The following CFAP69 variants were observed in gnomAD, a reference collection of about 807,000 sequenced individuals.
CFAP69 encodes cilia and flagella associated protein 69.
A neutral mutation model predicts 123.0 loss-of-function variants in CFAP69; 92 were observed. That is an observed-to-expected ratio of 0.75 (90% CI 0.63 to 0.89). CFAP69 has a LOEUF of 0.89. Ranked by LOEUF, CFAP69 falls within the 40% of genes least tolerant of loss-of-function variation. The pLI is 0.00. For missense variants in CFAP69, 1,067 were observed against 1,096.9 expected, an observed-to-expected ratio of 0.97 and a Z score of 0.39; for synonymous variants, 380 against 364.3, an observed-to-expected ratio of 1.04 and a Z score of -0.49.
At chr7:90,309,985 A>G in intron 22 of CFAP69, 83 bp from the exon 23 acceptor site, 1 of 1,152,448 alleles carries the variant, frequency 8.7e-7, no homozygotes, top group Non-Finnish European at 1.2e-6. Flanking sequence ...TCTTTTCAAA[A>G]GTAAGCTGAA....
At chr7:90,299,064 A>G (rs1792396729) in intron 16 of CFAP69, among the ~76,000 whole-genome samples, 1 of 152,190 alleles carries the variant, frequency 6.6e-6, no homozygotes, top group African/African-American at 2.4e-5. Context: ...ATAACTCATA[A>G]TAACCCTTTG....
chr7:90,319,097 G>T, the CFAP69 span: 4 of 305,220 alleles, frequency 1.3e-5, no homozygotes, highest in East Asian at 1.1e-4. Flanking sequence ...AACTATTCAT[G>T]GGCAAACAAG....
At chr7:90,271,716 C>T in intron 7 of CFAP69, 41 bp downstream of exon 7, 4 of 1,593,936 alleles carry the variant, frequency 2.5e-6, no homozygotes, top group East Asian at 4.5e-5. Flanking sequence ...TTGTCAACTA[C>T]TTTTGTTTAT....
chr7:90,304,068 A>C lies in CFAP69; in HGVS notation c.2150A>C (p.Asn717Thr), dbSNP rs1562924511. 6.4e-7 allele frequency: 1 copy of C among 1,550,978 alleles called. No homozygotes were observed. Among genetic ancestry groups the C allele is most frequent in the Non-Finnish European group, 8.7e-7 (1 of 1,146,586 alleles). ...PSIAVMDVSE[N>T]IRAKIYAILG... ...ATTGCGGTTATGGATGTTTCTGAGA[A>C]TATTAGAGCAAAAATTTATGCTATA... Residue 717 changes from asparagine (N) to threonine (T), a missense_variant, in exon 18 of 23, where the codon AAT becomes ACT. By Grantham distance (65) the Asn-to-Thr change is moderately conservative (BLOSUM62 0). Transcript: ENST00000389297.
chr7:90,296,708 A>G (rs1792035404), intron 15 of CFAP69, among the ~76,000 whole-genome samples: 1 of 152,198 alleles, frequency 6.6e-6, no homozygotes, highest in Non-Finnish European at 1.5e-5. Context: ...TTGTGGAGAT[A>G]TAAGACATCA....
chr7:90,287,512 A>G, intron 14 of CFAP69: 1 of 985,406 alleles, frequency 1.0e-6, no homozygotes, highest in Non-Finnish European at 1.2e-6. Context: ...CTCCATAGTG[A>G]ACTCTGAGTC....
At chr7:90,270,268 G>A (rs1168283650) in intron 6 of CFAP69, 1 of 152,074 alleles carries the variant, frequency 6.6e-6, no homozygotes, top group Non-Finnish European at 1.5e-5. Flanking sequence ...GATACAGTAA[G>A]TATAAAGTAC....
At chr7:90,306,846 C>T (rs534019684) in intron 19 of CFAP69, 55 bp from the exon 20 acceptor site, 1 of 1,041,614 alleles carries the variant, frequency 9.6e-7, no homozygotes, top group Non-Finnish European at 1.5e-6. Context: ...TATAATTGTA[C>T]AATTGCATGA....
intron 13 of CFAP69, among the ~76,000 whole-genome samples, chr7:90,283,717 T>C (rs967050444): frequency 2.6e-5 from 4 of 152,168 alleles, no homozygotes; most frequent in Non-Finnish European, 5.9e-5. Context: ...TCTAGATCCT[T>C]GACTTTGAAA....
Position 90,295,563 on chromosome 7 carries a change from C to T in CFAP69, c.1776-2186C>T, listed in dbSNP as rs138673665. 2.1e-3 allele frequency among the ~76,000 whole-genome samples: 317 copies of T among 152,228 alleles called. 1 individual carries two copies. The highest frequency in any genetic ancestry group is 7.0e-3 in the African/African-American group (289 of 41,534). Reference sequence around the variant, plus strand: ...ACTTACCCAATATTAGCCTTTGAGTCGGGGGTTTTCTCACTATTGTCCCTT... The same window carrying T: ...ACTTACCCAATATTAGCCTTTGAGTTGGGGGTTTTCTCACTATTGTCCCTT... On this transcript the variant is annotated intron_variant, in intron 15 of 22. Transcript: ENST00000389297.
intron 15 of CFAP69, among the ~76,000 whole-genome samples, chr7:90,296,250 C>T (rs541350406): frequency 1.4e-3 from 208 of 152,228 alleles, no homozygotes; most frequent in African/African-American, 4.9e-3. Context: ...TCGACAAGGC[C>T]TGTAAATATT....
chr7:90,260,996 G>A (rs1798245814), intron 3 of CFAP69, among the ~76,000 whole-genome samples: 1 of 151,922 alleles, frequency 6.6e-6, no homozygotes, highest in South Asian at 2.1e-4. Context: ...GGAGTAATAA[G>A]ATTCAACCAA....
downstream of CFAP69, among the ~76,000 whole-genome samples, chr7:90,311,216 G>T (rs1288757133): frequency 1.3e-5 from 2 of 152,058 alleles, no homozygotes; most frequent in African/African-American, 4.8e-5. Flanking sequence ...CCCTTATGAA[G>T]TCTCCCTCTC....
At chr7:90,247,982 C>G (rs969228006) in intron 1 of CFAP69, among the ~76,000 whole-genome samples, 2 of 152,174 alleles carry the variant, frequency 1.3e-5, no homozygotes. Flanking sequence ...TTGTCATCAT[C>G]CTTTATCCAG....
At chr7:90,255,081 G>A (rs538902533) in intron 1 of CFAP69, among the ~76,000 whole-genome samples, 1 of 152,198 alleles carries the variant, frequency 6.6e-6, no homozygotes, top group Non-Finnish European at 1.5e-5. Context: ...CTCTTACCAT[G>A]TATCTGCATA....
intron 2 of CFAP69, 124 bp from the exon 3 acceptor site, chr7:90,257,973 AT>A: frequency 1.5e-6 from 1 of 647,920 alleles, no homozygotes; most frequent in East Asian, 2.9e-5. Flanking sequence ...TAACGTTTAC[AT>A]TATAATATAG....
At position 90,297,818 on chromosome 7, in the gene CFAP69, G is replaced by T; in HGVS notation, c.1845G>T (p.Leu615Phe). Residue 615 changes from leucine (L) to phenylalanine (F), a missense_variant, in exon 16 of 23, where the codon TTG becomes TTT. Transcript: ENST00000389297. ...FLEKEGIFLL[L>F]DLLALNQKKF... The stretch of plus-strand genomic sequence containing the variant: ...AAAAGGAAGGCATTTTTCTCCTTTT[G>T]GATTTGTTAGCAGTAAGTATGGCTA... 6.4e-7 allele frequency: 1 copy of T among 1,574,350 alleles called. No homozygotes were observed. The highest frequency in any genetic ancestry group is 1.2e-5 in the South Asian group (1 of 84,926).
At chr7:90,266,265 C>T (rs1799148231) in intron 5 of CFAP69, 1 of 151,918 alleles carries the variant, frequency 6.6e-6, no homozygotes, top group African/African-American at 2.4e-5. Context: ...GGGAAAACTA[C>T]CTAGGGTTCA....
At chr7:90,295,436 G>A (rs897689271) in intron 15 of CFAP69, among the ~76,000 whole-genome samples, 8 of 152,120 alleles carry the variant, frequency 5.3e-5, no homozygotes, top group African/African-American at 9.7e-5. Flanking sequence ...ACCCAAGGTC[G>A]GCCAACCAGT....
Sources: gnomAD v4.1 joint callset for allele counts (sites outside exome capture counted in the v4.1 genomes callset) on GRCh38, gnomAD v4.1.1 for gene constraint, MANE v1.5 for transcripts, NCBI Gene and HGNC (gene_info 2026-07-23, HGNC 2026-07-21) for gene names.